NR1I2: variants seen among roughly 807,000 people sequenced by gnomAD.
NR1I2 encodes orphan nuclear receptor PAR1.
Under a neutral mutation model 43.3 loss-of-function variants are expected in NR1I2, and 42 were observed. The observed-to-expected ratio is 0.97, with a 90% CI of 0.76 to 1.26. NR1I2 has a LOEUF of 1.26. NR1I2 is among the 50% of genes most tolerant of loss of function. The pLI, the probability that NR1I2 is intolerant of heterozygous loss-of-function variation, is 0.00. For missense variants in NR1I2, 559 were observed against 566.7 expected (o/e 0.99, Z 0.14); for synonymous variants, 229 against 215.0 (o/e 1.06, Z -0.57).
intron 5 of NR1I2, 100 bp from the exon 6 acceptor site, chr3:119,814,879 T>A: frequency 6.8e-7 from 1 of 1,478,504 alleles, no homozygotes; most frequent in Non-Finnish European, 9.3e-7. Flanking sequence ...TCCTCCCTCT[T>A]CCTCTCGCCC....
At chr3:119,792,104 C>T in intron 1 of NR1I2, 1 of 765,262 alleles carries the variant, frequency 1.3e-6, no homozygotes, top group Non-Finnish European at 2.4e-6. Context: ...CGTGCATCCT[C>T]TTTGGGCCTG....
At chr3:119,809,117 C>A (rs1343005277) in intron 2 of NR1I2, among the ~76,000 whole-genome samples, 1 of 152,212 alleles carries the variant, frequency 6.6e-6, no homozygotes. Flanking sequence ...CTGTTCCATG[C>A]TCCTGGGCCA....
chr3:119,809,658 A>C (rs1223688734), intron 2 of NR1I2, among the ~76,000 whole-genome samples: 1 of 152,086 alleles, frequency 6.6e-6, no homozygotes, highest in Non-Finnish European at 1.5e-5. Context: ...AAATCGAGGA[A>C]GAGGCCCATC....
At chr3:119,813,027 C>A in intron 5 of NR1I2, 67 bp downstream of exon 5, 1 of 1,542,104 alleles carries the variant, frequency 6.5e-7, no homozygotes, top group Non-Finnish European at 8.9e-7. Context: ...GTTCAAAGGG[C>A]CTGGGGTAGA....
intron 8 of NR1I2, among the ~76,000 whole-genome samples, chr3:119,816,314 T>C (rs771227279): frequency 6.6e-6 from 1 of 152,136 alleles, no homozygotes; most frequent in Non-Finnish European, 1.5e-5. Flanking sequence ...AACTTTCTTT[T>C]CCATCATGGG....
At chr3:119,808,279 T>A (rs1015102050) in intron 2 of NR1I2, among the ~76,000 whole-genome samples, 3 of 152,270 alleles carry the variant, frequency 2.0e-5, no homozygotes, top group African/African-American at 7.2e-5. Context: ...GATTGCAGTC[T>A]GGCTCCCCTT....
chr3:119,805,343 TTA>T (rs1157502547), intron 1 of NR1I2, among the ~76,000 whole-genome samples: 4 of 152,148 alleles, frequency 2.6e-5, no homozygotes, highest in African/African-American at 9.7e-5. Context: ...TTCTTTGAAA[TTA>T]TATGTGATTA....
intron 8 of NR1I2, 111 bp downstream of exon 8, chr3:119,815,942 C>G (rs1454541483): frequency 1.2e-6 from 1 of 850,644 alleles, no homozygotes; most frequent in Non-Finnish European, 1.9e-6. Context: ...GTAGCCCCAG[C>G]CAGACCAGGT....
At chr3:119,810,443 C>T (rs2055223801) in intron 3 of NR1I2, 2 of 576,988 alleles carry the variant, frequency 3.5e-6, no homozygotes, top group Non-Finnish European at 6.1e-6. Flanking sequence ...CTGGACAGGG[C>T]GTGCCCTCTG....
intron 1 of NR1I2, chr3:119,782,770 A>G: frequency 1.2e-6 from 2 of 1,613,942 alleles, no homozygotes; most frequent in Non-Finnish European, 1.7e-6. Flanking sequence ...GACAGTCACC[A>G]GGACTCACCA....
chr3:119,799,267 C>T (rs2055043485), intron 1 of NR1I2, among the ~76,000 whole-genome samples: 1 of 152,096 alleles, frequency 6.6e-6, no homozygotes, highest in African/African-American at 2.4e-5. Context: ...TTTCAATTTG[C>T]CTTGCTCTAA....
chr3:119,813,086 C>A, intron 5 of NR1I2, 126 bp downstream of exon 5: 2 of 1,100,804 alleles, frequency 1.8e-6, no homozygotes, highest in Non-Finnish European at 2.7e-6. Context: ...TTTTCCTGTG[C>A]CCTTTCCCCG....
At chr3:119,792,909 G>A (rs977703361) in intron 1 of NR1I2, among the ~76,000 whole-genome samples, 1 of 151,928 alleles carries the variant, frequency 6.6e-6, no homozygotes, top group Non-Finnish European at 1.5e-5. Flanking sequence ...AAGAAACGTG[G>A]CCTCCAATGT....
At chr3:119,790,591 C>T (rs914576614) in intron 1 of NR1I2, among the ~76,000 whole-genome samples, 2 of 152,260 alleles carry the variant, frequency 1.3e-5, no homozygotes, top group Middle Eastern at 3.4e-3. Flanking sequence ...TATGTGATAG[C>T]GGCCATCCTG....
chr3:119,803,193 T>G (rs2055103826), intron 1 of NR1I2, among the ~76,000 whole-genome samples: 2 of 150,484 alleles, frequency 1.3e-5, no homozygotes, highest in South Asian at 2.1e-4. Context: ...AAAAAGTAGC[T>G]GGGTATGGTG....
chr3:119,792,559 C>T, intron 1 of NR1I2: 1 of 923,752 alleles, frequency 1.1e-6, no homozygotes, highest in South Asian at 1.4e-5. Context: ...AGTGAGGGCC[C>T]ACCCTGCCTG....
intron 1 of NR1I2, chr3:119,803,043 A>AC: frequency 2.3e-6 from 1 of 442,098 alleles, no homozygotes; most frequent in East Asian, 7.1e-5. Context: ...CATGAATGAG[A>AC]CCCCAGAGGC....
At chr3:119,784,337 CCCT>C (rs1428512790) in intron 1 of NR1I2, among the ~76,000 whole-genome samples, 2 of 151,998 alleles carry the variant, frequency 1.3e-5, no homozygotes, top group East Asian at 3.8e-4. Flanking sequence ...TTTATAGGAC[CCCT>C]CTTGGCCATT....
intron 7 of NR1I2, 37 bp downstream of exon 7, chr3:119,815,476 A>C (rs2055312597): frequency 6.6e-7 from 1 of 1,522,384 alleles, no homozygotes; most frequent in East Asian, 2.3e-5. Flanking sequence ...CATCCCCCCC[A>C]GCCTTATCTG....
Sources: gnomAD v4.1 joint callset for allele counts (sites outside exome capture counted in the v4.1 genomes callset) on GRCh38, gnomAD v4.1.1 for gene constraint, MANE v1.5 for transcripts, NCBI Gene and HGNC (gene_info 2026-07-23, HGNC 2026-07-21) for gene names.